LRRC4C: variants seen among roughly 807,000 people sequenced by gnomAD.
LRRC4C encodes leucine rich repeat containing 4C.
Under a neutral mutation model 33.6 loss-of-function variants are expected in LRRC4C, and 5 were observed. The observed-to-expected ratio is 0.15, with a 90% CI of 0.08 to 0.31. The LOEUF (loss-of-function observed/expected upper bound fraction) is 0.31, where lower values mean the gene tolerates loss of function less well. Among genes scored for constraint, LRRC4C ranks in the 10% least tolerant of loss-of-function variants. LRRC4C has a pLI of 1.00. For missense variants in LRRC4C, 560 were observed against 796.7 expected, an observed-to-expected ratio of 0.70 and a Z score of 3.58; for synonymous variants, 329 against 302.0, an observed-to-expected ratio of 1.09 and a Z score of -0.93.
At chr11:41,075,736 C>T (rs982136234) in intron 1 of LRRC4C, among the ~76,000 whole-genome samples, 1 of 152,124 alleles carries the variant, frequency 6.6e-6, no homozygotes, top group South Asian at 2.1e-4. Flanking sequence ...TGTGTATTAT[C>T]TGCCCTTAAT....
At chr11:40,878,135 C>G (rs377027762) in intron 2 of LRRC4C, among the ~76,000 whole-genome samples, 1 of 151,920 alleles carries the variant, frequency 6.6e-6, no homozygotes, top group Non-Finnish European at 1.5e-5. Context: ...GAAAGAGTCA[C>G]GGATGGAAGT....
At chr11:40,221,290 A>T (rs1864397671) in intron 5 of LRRC4C, among the ~76,000 whole-genome samples, 1 of 152,116 alleles carries the variant, frequency 6.6e-6, no homozygotes, top group South Asian at 2.1e-4. Context: ...ACTTGTAATG[A>T]TTTGTATTTT....
At chr11:40,168,041 T>TCAAA (rs71837713) in intron 5 of LRRC4C, among the ~76,000 whole-genome samples, 1 of 151,690 alleles carries the variant, frequency 6.6e-6, no homozygotes, top group Non-Finnish European at 1.5e-5. Context: ...AAACTCTGTC[T>TCAAA]CAAACAAACA....
chr11:40,881,887 A>C (rs1324189104), intron 2 of LRRC4C, among the ~76,000 whole-genome samples: 1 of 152,120 alleles, frequency 6.6e-6, no homozygotes, highest in Non-Finnish European at 1.5e-5. Context: ...GAACATGAGC[A>C]AGGCAGGTAC....
chr11:40,567,320 A>G (rs1219683939), intron 3 of LRRC4C, among the ~76,000 whole-genome samples: 1 of 152,158 alleles, frequency 6.6e-6, no homozygotes, highest in African/African-American at 2.4e-5. Context: ...AGGATGAAAA[A>G]GGGCCAAGTA....
At chr11:40,853,139 C>A (rs1953596334) in intron 2 of LRRC4C, among the ~76,000 whole-genome samples, 1 of 152,064 alleles carries the variant, frequency 6.6e-6, no homozygotes, top group Non-Finnish European at 1.5e-5. Flanking sequence ...ATTTGTGGTG[C>A]TGTTGGTGTA....
chr11:40,200,312 C>T (rs1268123997), intron 5 of LRRC4C, among the ~76,000 whole-genome samples: 1 of 151,078 alleles, frequency 6.6e-6, no homozygotes, highest in African/African-American at 2.4e-5. Flanking sequence ...TGCAGTGAGC[C>T]GAGATCGCGC....
chr11:41,114,220 T>C (rs1277584355), intron 1 of LRRC4C, among the ~76,000 whole-genome samples: 1 of 151,998 alleles, frequency 6.6e-6, no homozygotes, highest in African/African-American at 2.4e-5. Context: ...TCCAAGAAAA[T>C]TTTCAATGGC....
intron 2 of LRRC4C, among the ~76,000 whole-genome samples, chr11:40,813,803 C>T (rs750090906): frequency 6.6e-6 from 1 of 152,024 alleles, no homozygotes; most frequent in Non-Finnish European, 1.5e-5. Context: ...GGCTACTGGC[C>T]CCACACAAGT....
chr11:41,387,100 T>C (rs959989033), intron 1 of LRRC4C, among the ~76,000 whole-genome samples: 21 of 151,828 alleles, frequency 1.4e-4, no homozygotes, highest in Non-Finnish European at 2.7e-4. Flanking sequence ...TATGACTATA[T>C]GCAAAGCAGG....
rs564639709 is a variant in LRRC4C, at chr11:40,129,886, G to C, written c.-43+10915C>G. Among the ~76,000 whole-genome samples the C allele has an allele frequency of 2.0e-5, 3 of 152,252 alleles. No individual in the cohort carries two copies. The South Asian group carries it at 6.2e-4, about 32-fold the overall frequency. On this transcript the variant is annotated intron_variant, in intron 6 of 6. Coordinates refer to ENST00000528697, the MANE Select transcript of LRRC4C (RefSeq NM_001258419.2). ...ACTTCATGCTAAAAAATCCGACCCA[G>C]GGATAGAGTCACAGCTTGGCAGGGC...
chr11:41,438,886 A>AT (rs898049059), intron 1 of LRRC4C, among the ~76,000 whole-genome samples: 28 of 151,694 alleles, frequency 1.8e-4, no homozygotes, highest in African/African-American at 2.9e-4. Flanking sequence ...GTGTTTTTAA[A>AT]TTTTTTTTTG....
At chr11:40,646,865 C>T (rs1942495474) in intron 3 of LRRC4C, among the ~76,000 whole-genome samples, 1 of 152,168 alleles carries the variant, frequency 6.6e-6, no homozygotes, top group African/African-American at 2.4e-5. Context: ...CTCGGCCTCC[C>T]AAAATGCTGG....
At chr11:40,215,583 T>A (rs567965486) in intron 5 of LRRC4C, among the ~76,000 whole-genome samples, 40 of 152,300 alleles carry the variant, frequency 2.6e-4, no homozygotes, top group Admixed American at 4.6e-4. Flanking sequence ...CAGATAGCCC[T>A]TGGTGTTGGA....
intron 1 of LRRC4C, among the ~76,000 whole-genome samples, chr11:41,291,021 A>G (rs1254251417): frequency 6.6e-6 from 1 of 152,214 alleles, no homozygotes; most frequent in Non-Finnish European, 1.5e-5. Flanking sequence ...TTCGTCATCT[A>G]AGTGTGAATT....
At chr11:40,277,382 C>T (rs1943185787) in intron 4 of LRRC4C, among the ~76,000 whole-genome samples, 1 of 152,026 alleles carries the variant, frequency 6.6e-6, no homozygotes, top group Non-Finnish European at 1.5e-5. Flanking sequence ...AGAGTTGTGG[C>T]TGGGTAGCTG....
intron 2 of LRRC4C, among the ~76,000 whole-genome samples, chr11:40,903,447 C>T (rs906634365): frequency 4.6e-5 from 7 of 152,172 alleles, no homozygotes; most frequent in Non-Finnish European, 8.8e-5. Flanking sequence ...TGAAGGAATA[C>T]TTTTGATTTT....
At chr11:40,991,964 G>A (rs1349480911) in intron 1 of LRRC4C, among the ~76,000 whole-genome samples, 1 of 152,170 alleles carries the variant, frequency 6.6e-6, no homozygotes, top group East Asian at 1.9e-4. Flanking sequence ...AACTGGTATA[G>A]GTCTATAGCC....
At chr11:40,775,480 T>C (rs933096444) in intron 2 of LRRC4C, among the ~76,000 whole-genome samples, 2 of 152,184 alleles carry the variant, frequency 1.3e-5, no homozygotes, top group Non-Finnish European at 1.5e-5. Context: ...TACTTAACTC[T>C]GTCCTTGCAT....
Sources: gnomAD v4.1 joint callset for allele counts (sites outside exome capture counted in the v4.1 genomes callset) on GRCh38, gnomAD v4.1.1 for gene constraint, MANE v1.5 for transcripts, NCBI Gene and HGNC (gene_info 2026-07-23, HGNC 2026-07-21) for gene names.